Variants in LTBP1 observed in about 807,000 individuals in gnomAD.
LTBP1 encodes the protein latent-transforming growth factor beta-binding protein 1.
LTBP1 carries 129 observed loss-of-function variants against 207.6 expected under a neutral mutation model. The ratio of observed to expected loss-of-function variants is 0.62; its 90% confidence interval spans 0.54 to 0.72. The LOEUF (loss-of-function observed/expected upper bound fraction) is 0.72, where lower values mean the gene tolerates loss of function less well. LTBP1 is among the 30% of genes least tolerant of loss of function. The pLI, the probability that LTBP1 is intolerant of heterozygous loss-of-function variation, is 0.00. For missense variants in LTBP1, 2,281 were observed against 2,217.2 expected (o/e 1.03, Z -0.58); for synonymous variants, 963 against 833.7 (o/e 1.16, Z -2.67).
chr2:33,123,323 T>A (rs187788386), intron 4 of LTBP1, among the ~76,000 whole-genome samples: 1 of 152,060 alleles, frequency 6.6e-6, no homozygotes, highest in Non-Finnish European at 1.5e-5. Context: ...CTTCAGTCAG[T>A]GAGTGTGGAT....
chr2:33,297,651 C>T (rs2093905827), intron 20 of LTBP1, among the ~76,000 whole-genome samples: 1 of 152,032 alleles, frequency 6.6e-6, no homozygotes, highest in South Asian at 2.1e-4. Flanking sequence ...AGAATGGTCT[C>T]CTGACCTTGT....
intron 5 of LTBP1, among the ~76,000 whole-genome samples, chr2:33,149,042 G>T (rs1045514995): frequency 1.3e-5 from 2 of 151,846 alleles, no homozygotes; most frequent in Admixed American, 6.6e-5. Context: ...GTGAAACCCC[G>T]TCTCTACTAA....
intron 3 of LTBP1, among the ~76,000 whole-genome samples, chr2:33,024,140 T>C (rs1038374233): frequency 6.6e-6 from 1 of 152,222 alleles, no homozygotes. Context: ...GAGCTAAGGA[T>C]AGATAACACT....
intron 2 of LTBP1, among the ~76,000 whole-genome samples, chr2:32,987,866 T>C (rs1403219068): frequency 6.6e-6 from 1 of 152,202 alleles, no homozygotes; most frequent in African/African-American, 2.4e-5. Flanking sequence ...CTATGAATGA[T>C]ACCTTATGGC....
At chr2:33,342,416 C>G in intron 24 of LTBP1, among the ~76,000 whole-genome samples, 1 of 152,326 alleles carries the variant, frequency 6.6e-6, no homozygotes, top group South Asian at 2.1e-4. Flanking sequence ...AACTATTGCT[C>G]ATTTCCACCT....
chr2:33,142,325 G>T (rs1043843502), intron 5 of LTBP1, among the ~76,000 whole-genome samples: 2 of 152,102 alleles, frequency 1.3e-5, no homozygotes, highest in Non-Finnish European at 1.5e-5. Flanking sequence ...AAAGTGCTTG[G>T]ATTACAGGCG....
chr2:33,325,786 C>T (rs1174467248), intron 24 of LTBP1, among the ~76,000 whole-genome samples: 3 of 152,128 alleles, frequency 2.0e-5, no homozygotes, highest in East Asian at 3.8e-4. Flanking sequence ...TAAAACACTC[C>T]ACTTTTTTGA....
chr2:33,034,523 AT>A (rs2075827861), intron 3 of LTBP1, among the ~76,000 whole-genome samples: 1 of 152,184 alleles, frequency 6.6e-6, no homozygotes, highest in African/African-American at 2.4e-5. Context: ...TGGGTTTTGT[AT>A]TCCATATCAT....
At chr2:33,206,739 A>C (rs746420244) in intron 7 of LTBP1, among the ~76,000 whole-genome samples, 20 of 104,434 alleles carry the variant, frequency 1.9e-4, no homozygotes, top group Middle Eastern at 5.4e-3. Flanking sequence ...ACTCCATTTC[A>C]AAAAAAAAAA....
intron 9 of LTBP1, among the ~76,000 whole-genome samples, chr2:33,227,046 C>CT (rs111635007): frequency 0.078 from 10,838 of 139,810 alleles, 832 homozygotes; most frequent in African/African-American, 0.2. Flanking sequence ...TTTTTTTTGT[C>CT]TTTTTTTTGA....
In LTBP1 at chr2:33,203,527, C is replaced by T. The variant is rs1001806202; in HGVS notation, c.1702-14025C>T. On this transcript the variant is annotated intron_variant, in intron 7 of 33. Coordinates refer to ENST00000404816, the MANE Select transcript of LTBP1 (RefSeq NM_206943.4). ...TACCCAGGTAGATGTCTTCTGGGAACCAAAGAGGCTGTCAGCTTTAAGGGT... is the reference window on the plus strand; with the variant it reads ...TACCCAGGTAGATGTCTTCTGGGAATCAAAGAGGCTGTCAGCTTTAAGGGT... Among the ~76,000 whole-genome samples, 4 of 152,282 alleles carry T rather than the reference C, an allele frequency of 2.6e-5. No homozygotes were observed. The South Asian group carries it at 6.2e-4, about 24-fold the overall frequency.
At chr2:33,353,922 C>A (rs1368523685) in intron 26 of LTBP1, among the ~76,000 whole-genome samples, 1 of 150,942 alleles carries the variant, frequency 6.6e-6, no homozygotes, top group African/African-American at 2.4e-5. Flanking sequence ...TGCAGTGGCA[C>A]CATCTTGACT....
At chr2:33,071,214 G>A (rs929340813) in intron 3 of LTBP1, among the ~76,000 whole-genome samples, 3 of 152,166 alleles carry the variant, frequency 2.0e-5, no homozygotes, top group Admixed American at 6.5e-5. Flanking sequence ...CTTTGGGTAG[G>A]TCTTGGTTCC....
intron 24 of LTBP1, among the ~76,000 whole-genome samples, chr2:33,332,372 CAAAAAAAAAAAAAAAA>C (rs745342264): frequency 3.6e-3 from 189 of 52,492 alleles, no homozygotes; most frequent in South Asian, 4.5e-3. Context: ...ACACCATCTC[CAAAAAAAAAAAAAAAA>C]AAAAAAAAAA....
At chr2:33,216,915 C>A (rs2090755999) in intron 7 of LTBP1, among the ~76,000 whole-genome samples, 1 of 152,232 alleles carries the variant, frequency 6.6e-6, no homozygotes, top group Non-Finnish European at 1.5e-5. Context: ...TCCTACTCTT[C>A]TGCCTGCTCA....
intron 22 of LTBP1, among the ~76,000 whole-genome samples, chr2:33,303,138 T>TG (rs1264272705): frequency 2.0e-5 from 3 of 151,918 alleles, no homozygotes; most frequent in Non-Finnish European, 4.4e-5. Flanking sequence ...CATCCCAAGG[T>TG]GGGAGGGTTG....
rs35517435 is a variant in LTBP1 at position 33,324,699 on chromosome 2, C to CTTT, written c.3730+9448_3730+9450dup. Among the ~76,000 whole-genome samples, 401 of 123,348 alleles carry CTTT rather than the reference C, an allele frequency of 3.3e-3. 22 individuals are homozygous for CTTT. Among genetic ancestry groups the CTTT allele is most frequent in the Middle Eastern group, 8.8e-3 (2 of 226 alleles). The allele number at this position is 123,348 out of a possible 152,430, so 80.9% of individuals were successfully genotyped here. A position where few individuals can be genotyped will look rare whatever the true frequency, so the allele number is the denominator to read the frequency against. ...ATATTGATGAATTACTGTATTCTAT[C>CTTT]TTTTTTTTTTTTTTTTTTTTGAGAC... is the stretch of plus-strand genomic sequence containing the variant. On this transcript the variant is annotated intron_variant, in intron 24 of 33. Coordinates refer to ENST00000404816, the MANE Select transcript of LTBP1 (RefSeq NM_206943.4).
chr2:33,304,917 G>C (rs114517622), intron 22 of LTBP1, among the ~76,000 whole-genome samples: 4,206 of 152,288 alleles, frequency 0.028, 213 homozygotes, highest in African/African-American at 0.095. Flanking sequence ...TATTTATTTA[G>C]TGTGGAGCTT....
intron 3 of LTBP1, among the ~76,000 whole-genome samples, chr2:33,096,510 C>G (rs1455672230): frequency 6.6e-6 from 1 of 152,130 alleles, no homozygotes; most frequent in Non-Finnish European, 1.5e-5. Context: ...ATTGGGATCT[C>G]AAGAATTGTG....
Sources: allele counts gnomAD v4.1 joint callset (sites outside exome capture counted in the v4.1 genomes callset), GRCh38; gene constraint gnomAD v4.1.1; transcripts MANE v1.5; gene names NCBI Gene and HGNC (gene_info 2026-07-23, HGNC 2026-07-21).